The following ANKRD11 variants were observed in gnomAD, a reference collection of about 807,000 sequenced individuals.
ANKRD11 encodes ankyrin repeat domain-containing protein 11.
Under a neutral mutation model 195.7 loss-of-function variants are expected in ANKRD11, and 17 were observed. The ratio of observed to expected loss-of-function variants is 0.09; its 90% confidence interval spans 0.06 to 0.13. The LOEUF is 0.13. ANKRD11 is among the 10% of genes least tolerant of loss of function. The probability of loss-of-function intolerance (pLI) is 1.00; values close to 1 mark genes in which losing one functional copy is unlikely to be tolerated. For missense variants in ANKRD11, 3,735 were observed against 3,566.1 expected (o/e 1.05, Z -1.21); for synonymous variants, 1,953 against 1,528.1 (o/e 1.28, Z -6.49).
At position 89,301,216 on chromosome 16, in the gene ANKRD11, C is replaced by T. The variant is rs1265986489; in HGVS notation, c.226+3990G>A. On this transcript the variant is annotated intron_variant, in intron 4 of 12. Transcript: ENST00000301030. ...TGACCTCCTAGCCTCAAGGGATCCTCCCGCCAAAGTGCTGGAAGGGTGAAG... is the reference window on the plus strand; with the variant it reads ...TGACCTCCTAGCCTCAAGGGATCCTTCCGCCAAAGTGCTGGAAGGGTGAAG... 9.9e-5 allele frequency: 41 copies of T among 412,604 alleles called. No individual in the cohort carries two copies. The East Asian group carries it at 1.5e-3, about 15-fold the overall frequency. The allele number at this position is 412,604 out of a possible 1,614,324, so 25.6% of individuals were successfully genotyped here.
At position 89,283,474 on chromosome 16, in the gene ANKRD11, G is replaced by C. The variant is rs771640733; in HGVS notation, c.3068C>G (p.Thr1023Arg). ...DGPDKERKEK[T>R]KPERYKEKSS... ...TTTCTCTTTGTATCTTTCTGGTTTT[G>C]TCTTCTCCTTCCTTTCCTTATCGGG... The change falls in exon 9 of 13, where the codon ACA becomes AGA. Residue 1023 changes from threonine to arginine, a missense_variant. By Grantham distance (71) the Thr-to-Arg change is moderately conservative. Transcript: ENST00000301030. The surrounding 1 kb of genome is among the most constrained non-coding windows in gnomAD (Gnocchi z 4.3). 1 of 1,614,028 alleles carries C rather than the reference G, an allele frequency of 6.2e-7. No homozygotes were observed. The highest frequency in any genetic ancestry group is 8.5e-7 in the Non-Finnish European group (1 of 1,180,024).
At chr16:89,278,219 G>A (rs1567549675) in intron 9 of ANKRD11, 6 of 333,420 alleles carry the variant, frequency 1.8e-5, no homozygotes, top group South Asian at 4.6e-5. Context: ...AGGGGAGGCC[G>A]TGCACAGCTC....
intron 3 of ANKRD11, chr16:89,313,217 G>T: frequency 8.5e-7 from 1 of 1,179,328 alleles, no homozygotes; most frequent in Non-Finnish European, 1.1e-6. Context: ...TCTGAGTGGC[G>T]TGCATGGAGC....
At chr16:89,436,638 TC>T (rs982455975) in intron 1 of ANKRD11, among the ~76,000 whole-genome samples, 14 of 152,238 alleles carry the variant, frequency 9.2e-5, no homozygotes, top group African/African-American at 2.4e-4. Context: ...GAGCTCTTCT[TC>T]CTGGAATAAC....
At chr16:89,341,565 T>TA (rs375377829) in intron 2 of ANKRD11, among the ~76,000 whole-genome samples, 2 of 151,870 alleles carry the variant, frequency 1.3e-5, no homozygotes, top group South Asian at 4.2e-4. Context: ...GATAATGGCA[T>TA]AAAAAAAATT....
At chr16:89,305,380 C>T (rs772745915) in intron 3 of ANKRD11, 36 bp from the exon 4 acceptor site, 36 of 1,613,444 alleles carry the variant, frequency 2.2e-5, no homozygotes, top group Non-Finnish European at 3.0e-5. Flanking sequence ...TCGTGATGTC[C>T]AAATTACATT....
At chr16:89,381,484 A>G (rs1348189387) in intron 2 of ANKRD11, among the ~76,000 whole-genome samples, 1 of 152,202 alleles carries the variant, frequency 6.6e-6, no homozygotes, top group Non-Finnish European at 1.5e-5. Context: ...AACAGCCCCA[A>G]CATTAAATCA....
At chr16:89,364,009 A>G (rs1169119304) in intron 2 of ANKRD11, among the ~76,000 whole-genome samples, 2 of 151,768 alleles carry the variant, frequency 1.3e-5, no homozygotes, top group Non-Finnish European at 2.9e-5. Context: ...GTGGTGAGCT[A>G]TCATTGTGCC....
At chr16:89,429,044 G>A (rs2042853756) in intron 1 of ANKRD11, among the ~76,000 whole-genome samples, 1 of 152,206 alleles carries the variant, frequency 6.6e-6, no homozygotes, top group South Asian at 2.1e-4. Flanking sequence ...GGAGGGAAGG[G>A]ACTACACAGC....
intron 2 of ANKRD11, among the ~76,000 whole-genome samples, chr16:89,376,968 C>T (rs1464214359): frequency 6.6e-6 from 1 of 152,190 alleles, no homozygotes. Flanking sequence ...ACACCAGCTG[C>T]CAGGTATTTG....
intron 1 of ANKRD11, among the ~76,000 whole-genome samples, chr16:89,464,019 A>G (rs1247918243): frequency 1.3e-5 from 2 of 152,202 alleles, no homozygotes; most frequent in Non-Finnish European, 2.9e-5. Context: ...TGGGCGGATC[A>G]CTTGAGGTCA....
intron 11 of ANKRD11, chr16:89,271,200 C>A: frequency 2.1e-6 from 1 of 474,306 alleles, no homozygotes; most frequent in Non-Finnish European, 3.9e-6. Flanking sequence ...CCCCAGGGGA[C>A]AGTCAGAGCT....
intron 2 of ANKRD11, among the ~76,000 whole-genome samples, chr16:89,318,313 C>T (rs1051791698): frequency 5.9e-5 from 9 of 152,338 alleles, no homozygotes; most frequent in East Asian, 1.9e-4. Context: ...GGTGCACTCA[C>T]GAGAGGAATG....
chr16:89,331,563 G>A (rs1039017699), intron 2 of ANKRD11, among the ~76,000 whole-genome samples: 5 of 152,162 alleles, frequency 3.3e-5, no homozygotes, highest in Admixed American at 6.5e-5. Context: ...TTTTGATACC[G>A]CTGGGTGTGT....
At chr16:89,287,194 G>T in intron 7 of ANKRD11, 1 of 1,019,124 alleles carries the variant, frequency 9.8e-7, no homozygotes, top group Admixed American at 2.7e-5. Flanking sequence ...ACACTCCTCG[G>T]CCCTCCTCTA....
intron 1 of ANKRD11, among the ~76,000 whole-genome samples, chr16:89,462,313 C>T (rs1363129876): frequency 2.0e-5 from 3 of 152,180 alleles, no homozygotes; most frequent in East Asian, 1.9e-4. Flanking sequence ...GCAAGTGATC[C>T]GCCAGCCTCG....
intron 2 of ANKRD11, among the ~76,000 whole-genome samples, chr16:89,321,500 G>A (rs559185167): frequency 6.6e-6 from 1 of 151,870 alleles, no homozygotes; most frequent in Admixed American, 6.6e-5. Flanking sequence ...CCGCAGCTGC[G>A]GGGCAGGGGC....
intron 9 of ANKRD11, 185 bp downstream of exon 9, chr16:89,278,887 C>T (rs2033905236): frequency 9.9e-7 from 1 of 1,012,852 alleles, no homozygotes; most frequent in East Asian, 2.6e-5. Flanking sequence ...GTCTGCAGAA[C>T]AGCTGGGCAG....
chr16:89,288,277 C>T (rs926565343), intron 7 of ANKRD11: 1 of 660,036 alleles, frequency 1.5e-6, no homozygotes, highest in Non-Finnish European at 2.7e-6. Context: ...ACCAGACCTA[C>T]ACGGCTAGCG....
Sources: gnomAD v4.1 joint callset for allele counts (sites outside exome capture counted in the v4.1 genomes callset) on GRCh38, gnomAD v4.1.1 for gene constraint, Gnocchi (gnomAD v3.1) non-coding constraint, MANE v1.5 for transcripts, NCBI Gene and HGNC (gene_info 2026-07-23, HGNC 2026-07-21) for gene names.